RALYL: variants seen among roughly 807,000 people sequenced by gnomAD.
RALYL encodes the protein RNA-binding Raly-like protein.
A neutral mutation model predicts 35.1 loss-of-function variants in RALYL; 29 were observed. That is an observed-to-expected ratio of 0.83 (90% CI 0.61 to 1.13). The LOEUF (loss-of-function observed/expected upper bound fraction) is 1.13. Among genes scored for constraint, RALYL ranks in the 50% most tolerant of loss-of-function variants. The pLI is 0.00. For synonymous variants in RALYL, 120 were observed against 127.6 expected (o/e 0.94, Z 0.40); for missense variants, 359 against 360.4 (o/e 1.00, Z 0.03).
intron 1 of RALYL, among the ~76,000 whole-genome samples, chr8:84,308,251 A>G (rs1338381680): frequency 1.3e-5 from 2 of 152,190 alleles, no homozygotes; most frequent in East Asian, 3.9e-4. Flanking sequence ...ATAAAAATAA[A>G]CCATCTTGAC....
chr8:84,432,219 C>T (rs916697992), intron 1 of RALYL, among the ~76,000 whole-genome samples: 1 of 152,116 alleles, frequency 6.6e-6, no homozygotes. Context: ...AAAATCCTGT[C>T]ATATGCAACA....
chr8:84,270,784 G>A (rs1397901873), intron 1 of RALYL, among the ~76,000 whole-genome samples: 4 of 152,064 alleles, frequency 2.6e-5, no homozygotes, highest in East Asian at 3.9e-4. Context: ...GTAAGTAAAT[G>A]TTAAAAATTT....
intron 1 of RALYL, among the ~76,000 whole-genome samples, chr8:84,365,463 A>G (rs1006193758): frequency 1.3e-5 from 2 of 152,200 alleles, no homozygotes; most frequent in African/African-American, 4.8e-5. Flanking sequence ...TCTATAAACT[A>G]TTTATAAAAG....
intron 2 of RALYL, among the ~76,000 whole-genome samples, chr8:84,576,195 T>G (rs1017885617): frequency 1.3e-5 from 2 of 152,202 alleles, no homozygotes; most frequent in Admixed American, 6.5e-5. Flanking sequence ...TATTTTGGAC[T>G]GTGAAAGTAA....
intron 2 of RALYL, among the ~76,000 whole-genome samples, chr8:84,569,270 A>T (rs556624140): frequency 6.6e-6 from 1 of 151,976 alleles, no homozygotes; most frequent in Non-Finnish European, 1.5e-5. Context: ...ACATATGGCT[A>T]GCCAGTTTTC....
chr8:84,247,068 G>A (rs1209542173), intron 1 of RALYL, among the ~76,000 whole-genome samples: 2 of 152,204 alleles, frequency 1.3e-5, no homozygotes, highest in East Asian at 3.9e-4. Flanking sequence ...GTTTTATAGG[G>A]TTAGTGAAAT....
rs1032970629 is a variant in RALYL at position 84,688,359 on chromosome 8, C to A, written c.257-86220C>A. Among the ~76,000 whole-genome samples, 156 of 151,946 alleles carry A rather than the reference C, an allele frequency of 1.0e-3. 3 individuals carry two copies. Among genetic ancestry groups the A allele is most frequent in the African/African-American group, 3.7e-3 (154 of 41,442 alleles). The stretch of plus-strand genomic sequence containing the variant: ...TACAATGTTGTAGTAATCGAAACAG[C>A]CTGATGCTGGCATAAAAACAGATAT... On this transcript the variant is annotated intron_variant, in intron 2 of 8. Coordinates refer to ENST00000521268, the MANE Select transcript of RALYL (RefSeq NM_173848.7).
At chr8:84,200,739 A>C (rs1266999916) in intron 1 of RALYL, among the ~76,000 whole-genome samples, 1 of 152,100 alleles carries the variant, frequency 6.6e-6, no homozygotes, top group Admixed American at 6.5e-5. Context: ...ATAGTTTGTG[A>C]GTGTAAAATT....
chr8:84,272,778 A>T (rs575169810), intron 1 of RALYL, among the ~76,000 whole-genome samples: 2 of 152,336 alleles, frequency 1.3e-5, no homozygotes, highest in Admixed American at 1.3e-4. Context: ...ACTTTGCTTG[A>T]TAAGTTCAGA....
chr8:84,483,180 G>A (rs890684806), intron 1 of RALYL, among the ~76,000 whole-genome samples: 1 of 152,010 alleles, frequency 6.6e-6, no homozygotes, highest in African/African-American at 2.4e-5. Context: ...ATTGCAAATT[G>A]CAGTGTTACC....
At position 84,612,101 on chromosome 8, in the gene RALYL, GATTGTGGTTTGA is replaced by G. The variant is rs561974859; in HGVS notation, c.256+82530_256+82541del. On this transcript the variant is annotated intron_variant, in intron 2 of 8. Transcript: ENST00000521268. ...AACATATACTAACCTTTTTCTCTTA[GATTGTGGTTTGA>G]ATTGTTTGCTATGTAGAAGATTTAT... is the stretch of plus-strand genomic sequence containing the variant. Among the ~76,000 whole-genome samples the G allele has an allele frequency of 5.0e-3, 753 of 151,918 alleles. 3 individuals carry two copies. The highest frequency in any genetic ancestry group is 8.9e-3 in the Non-Finnish European group (606 of 67,912).
In RALYL at chr8:84,753,361, C is replaced by T. The variant is rs368681721; in HGVS notation, c.257-21218C>T. On this transcript the variant is annotated intron_variant, in intron 2 of 8. Transcript: ENST00000521268. ...GGGACTTGCCTTGTCTCAGATAAGA[C>T]TTTGGACCTTGGACTTTTGAGTTAA... Among the ~76,000 whole-genome samples, 3 of 152,228 alleles carry T rather than the reference C, an allele frequency of 2.0e-5. No individual in the cohort carries two copies. The East Asian group carries it at 5.8e-4, about 29-fold the overall frequency.
chr8:84,652,549 G>T (rs1564313401), intron 2 of RALYL, among the ~76,000 whole-genome samples: 1 of 151,974 alleles, frequency 6.6e-6, no homozygotes, highest in African/African-American at 2.4e-5. Context: ...TCTGTGCTTA[G>T]ATCCCATTTT....
chr8:84,230,696 C>T (rs532188147), intron 1 of RALYL, among the ~76,000 whole-genome samples: 11 of 152,288 alleles, frequency 7.2e-5, no homozygotes, highest in African/African-American at 1.7e-4. Context: ...TAATGGCTCT[C>T]ATTTTTGAGC....
chr8:84,844,162 A>C (rs1834066933), intron 4 of RALYL, among the ~76,000 whole-genome samples: 1 of 152,300 alleles, frequency 6.6e-6, no homozygotes, highest in East Asian at 1.9e-4. Context: ...AAAAGAAACT[A>C]CCATCAGAGT....
intron 2 of RALYL, among the ~76,000 whole-genome samples, chr8:84,755,282 G>T (rs536132219): frequency 1.4e-4 from 22 of 152,244 alleles, no homozygotes; most frequent in Non-Finnish European, 2.8e-4. Flanking sequence ...CAGTCTTTTT[G>T]TATATACATG....
chr8:84,328,068 T>C (rs1186188563), intron 1 of RALYL, among the ~76,000 whole-genome samples: 1 of 152,198 alleles, frequency 6.6e-6, no homozygotes, highest in Non-Finnish European at 1.5e-5. Flanking sequence ...TTTTTGAGGC[T>C]GTCTTTCATA....
At chr8:84,697,751 C>A (rs1364793327) in intron 2 of RALYL, among the ~76,000 whole-genome samples, 1 of 152,000 alleles carries the variant, frequency 6.6e-6, no homozygotes, top group Non-Finnish European at 1.5e-5. Flanking sequence ...ACCCTCCACC[C>A]TCCAAAGGCC....
At chr8:84,843,812 C>T (rs190409989) in intron 4 of RALYL, among the ~76,000 whole-genome samples, 49 of 152,210 alleles carry the variant, frequency 3.2e-4, no homozygotes, top group South Asian at 1.0e-3. Flanking sequence ...GAAATAATGC[C>T]GCATAGCTAC....
Sources: gnomAD v4.1 joint callset for allele counts (sites outside exome capture counted in the v4.1 genomes callset) on GRCh38, gnomAD v4.1.1 for gene constraint, MANE v1.5 for transcripts, NCBI Gene and HGNC (gene_info 2026-07-23, HGNC 2026-07-21) for gene names.